SSPN: variants seen among roughly 807,000 people sequenced by gnomAD.
The protein encoded by SSPN is sarcospan.
SSPN carries 15 observed loss-of-function variants against 19.1 expected under a neutral mutation model. That is an observed-to-expected ratio of 0.78 (90% CI 0.52 to 1.21). The LOEUF is 1.21. Among genes scored for constraint, SSPN ranks in the 50% most tolerant of loss-of-function variants. The probability of loss-of-function intolerance (pLI) is 0.00; values close to 1 mark genes in which losing one functional copy is unlikely to be tolerated. For missense variants in SSPN, 291 were observed against 314.0 expected, an observed-to-expected ratio of 0.93 and a Z score of 0.55; for synonymous variants, 147 against 140.3, an observed-to-expected ratio of 1.05 and a Z score of -0.34.
At chr12:26,196,459 A>G (rs1944831255) in intron 1 of SSPN, among the ~76,000 whole-genome samples, 1 of 152,236 alleles carries the variant, frequency 6.6e-6, no homozygotes, top group Non-Finnish European at 1.5e-5. Context: ...TCCTGAAATG[A>G]TGGGCTAAGG....
chr12:26,229,280 A>C (rs1945206996), intron 2 of SSPN, among the ~76,000 whole-genome samples: 1 of 152,250 alleles, frequency 6.6e-6, no homozygotes, highest in Non-Finnish European at 1.5e-5. Flanking sequence ...CAGTGACCTT[A>C]GATAGACAGT....
intron 1 of SSPN, among the ~76,000 whole-genome samples, chr12:26,201,042 TATATTA>T (rs1271578236): frequency 0.066 from 3,343 of 50,400 alleles, 73 homozygotes; most frequent in African/African-American, 0.099. Context: ...TATATATATA[TATATTA>T]TATATATATA....
At chr12:26,129,988 C>T (rs1265569158) in intron 1 of SSPN, among the ~76,000 whole-genome samples, 1 of 152,146 alleles carries the variant, frequency 6.6e-6, no homozygotes, top group Non-Finnish European at 1.5e-5. Context: ...TAGGAGGATT[C>T]CCTGGCCCTT....
intron 1 of SSPN, among the ~76,000 whole-genome samples, chr12:26,136,884 G>A (rs1417514062): frequency 6.6e-6 from 1 of 152,190 alleles, no homozygotes; most frequent in Non-Finnish European, 1.5e-5. Context: ...CCACATTTAT[G>A]TGCAAATTGG....
chr12:26,181,452 A>G (rs1053973986), intron 1 of SSPN, among the ~76,000 whole-genome samples: 10 of 152,238 alleles, frequency 6.6e-5, no homozygotes, highest in African/African-American at 2.4e-4. Flanking sequence ...CTTATTTTTA[A>G]GAACATGTAA....
intron 1 of SSPN, among the ~76,000 whole-genome samples, chr12:26,167,149 G>A (rs9804755): frequency 0.97 from 147,884 of 152,348 alleles, 71,910 homozygotes; most frequent in East Asian, 1. Context: ...CAATTAATTC[G>A]GTTATCCAAC....
chr12:26,201,673 A>G (rs1289394088), intron 1 of SSPN, among the ~76,000 whole-genome samples: 1 of 152,146 alleles, frequency 6.6e-6, no homozygotes, highest in Non-Finnish European at 1.5e-5. Context: ...GGATATATTC[A>G]ACTCAGAAAG....
chr12:26,201,740 A>G (rs1289981775), intron 1 of SSPN, among the ~76,000 whole-genome samples: 2 of 152,216 alleles, frequency 1.3e-5, no homozygotes, highest in African/African-American at 4.8e-5. Flanking sequence ...ATTTTTTGAT[A>G]GAAATACTGG....
intron 1 of SSPN, among the ~76,000 whole-genome samples, chr12:26,158,658 A>T (rs1944569807): frequency 6.6e-6 from 1 of 152,262 alleles, no homozygotes; most frequent in Non-Finnish European, 1.5e-5. Context: ...AAGGCTGGGT[A>T]GAGGGTTGCT....
chr12:26,227,010 G>A (rs532825339), intron 2 of SSPN, among the ~76,000 whole-genome samples: 1 of 152,228 alleles, frequency 6.6e-6, no homozygotes, highest in South Asian at 2.1e-4. Flanking sequence ...TCCGCCCGCT[G>A]CGCAGCGCCG....
intron 2 of SSPN, among the ~76,000 whole-genome samples, chr12:26,227,584 G>A (rs1945190781): frequency 6.6e-6 from 1 of 152,264 alleles, no homozygotes; most frequent in African/African-American, 2.4e-5. Context: ...AAAAGCAGTC[G>A]AATTAATATC....
At chr12:26,123,125 C>T (rs369764189) in intron 1 of SSPN, 2 of 1,609,426 alleles carry the variant, frequency 1.2e-6, no homozygotes, top group Admixed American at 1.7e-5. Flanking sequence ...CCGAGTGGAA[C>T]GCATCCAAGT....
rs1467161086 is a variant in SSPN at position 26,122,408 on chromosome 12, C to G, written c.-31+256C>G. 6.9e-6 allele frequency: 9 copies of G among 1,305,508 alleles called. No individual in the cohort carries two copies. The African/African-American group carries it at 7.7e-5, about 11-fold the overall frequency. 80.9% of individuals were successfully genotyped at this position (1,305,508 alleles called of 1,614,324 possible). On this transcript the variant is annotated intron_variant, in intron 1 of 2. Transcript: ENST00000538142. ...GGTACAGATACTTCTCCAGGCCGCT[C>G]TTGTCCAGGAAGGGCTGCACGTAGG...
chr12:26,189,033 G>GT (rs1447678133), intron 1 of SSPN, among the ~76,000 whole-genome samples: 4 of 151,458 alleles, frequency 2.6e-5, no homozygotes, highest in Non-Finnish European at 4.4e-5. Flanking sequence ...TTTTGTTTTT[G>GT]TTTTTTTTAA....
chr12:26,180,594 T>G (rs1944712685), intron 1 of SSPN: 1 of 152,330 alleles, frequency 6.6e-6, no homozygotes, highest in Non-Finnish European at 1.5e-5. Flanking sequence ...ACATAGCATA[T>G]TTTTCCCTAA....
At chr12:26,180,715 T>A (rs1944713482) in intron 1 of SSPN, 1 of 152,228 alleles carries the variant, frequency 6.6e-6, no homozygotes, top group Non-Finnish European at 1.5e-5. Flanking sequence ...TGAGATCTTT[T>A]GAGAGGAATG....
intron 1 of SSPN, among the ~76,000 whole-genome samples, chr12:26,188,664 T>C (rs867058439): frequency 6.6e-6 from 1 of 152,222 alleles, no homozygotes; most frequent in Non-Finnish European, 1.5e-5. Flanking sequence ...ATCAGAAATA[T>C]CTGAATCCAG....
chr12:26,232,790 T>G lies in SSPN; in HGVS notation c.*1714T>G. 9.4e-6 allele frequency: 8 copies of G among 850,504 alleles called. No homozygotes were observed. The highest frequency in any genetic ancestry group is 1.1e-5 in the Non-Finnish European group (8 of 706,628). The allele number at this position is 850,504 out of a possible 1,614,324, so 52.7% of individuals were successfully genotyped here. On this transcript the variant is annotated 3_prime_UTR_variant, in exon 3 of 3. Coordinates refer to ENST00000242729, the MANE Select transcript of SSPN (RefSeq NM_005086.5). Reference sequence around the variant, plus strand: ...GTTTTGATTTGCTTTAAAAATGGCCTTCCTACACATTAGCTCCAGCTAAAA... The same window carrying G: ...GTTTTGATTTGCTTTAAAAATGGCCGTCCTACACATTAGCTCCAGCTAAAA...
chr12:26,134,761 G>A (rs1944415701), intron 1 of SSPN, among the ~76,000 whole-genome samples: 1 of 150,390 alleles, frequency 6.6e-6, no homozygotes, highest in Non-Finnish European at 1.5e-5. Flanking sequence ...GCTTTTATGG[G>A]CAGGGACACC....
Sources: gnomAD v4.1 joint callset for allele counts (sites outside exome capture counted in the v4.1 genomes callset) on GRCh38, gnomAD v4.1.1 for gene constraint, MANE v1.5 for transcripts, NCBI Gene and HGNC (gene_info 2026-07-23, HGNC 2026-07-21) for gene names.